Variants in GRIP1 observed in about 807,000 individuals in gnomAD.
GRIP1 encodes the protein glutamate receptor interacting protein 1, also known as glutamate receptor-interacting protein 1.
A neutral mutation model predicts 129.9 loss-of-function variants in GRIP1; 45 were observed. That is an observed-to-expected ratio of 0.35 (90% CI 0.27 to 0.44). The LOEUF is 0.44. Ranked by LOEUF, GRIP1 falls within the 20% of genes least tolerant of loss-of-function variation. The probability of loss-of-function intolerance (pLI) is 1.00; values close to 1 mark genes in which losing one functional copy is unlikely to be tolerated. For synonymous variants in GRIP1, 530 were observed against 520.8 expected, an observed-to-expected ratio of 1.02 and a Z score of -0.24; for missense variants, 1,196 against 1,396.8, an observed-to-expected ratio of 0.86 and a Z score of 2.29.
chr12:66,409,973 G>A (rs1354075167), intron 15 of GRIP1, among the ~76,000 whole-genome samples: 5 of 152,132 alleles, frequency 3.3e-5, no homozygotes, highest in South Asian at 4.1e-4. Flanking sequence ...ATTAGTGGCC[G>A]GGCGCGGTGG....
chr12:66,553,459 G>A (rs2062210013), intron 2 of GRIP1, among the ~76,000 whole-genome samples: 1 of 151,886 alleles, frequency 6.6e-6, no homozygotes, highest in African/African-American at 2.4e-5. Flanking sequence ...TGACCTCAAG[G>A]AATTTATATT....
intron 22 of GRIP1, among the ~76,000 whole-genome samples, chr12:66,376,208 C>A (rs911264417): frequency 2.6e-5 from 4 of 152,166 alleles, no homozygotes. Context: ...ATTCTCTTTG[C>A]AGATTCACAA....
intron 1 of GRIP1, chr12:66,647,234 T>C (rs899889460): frequency 2.0e-5 from 3 of 152,230 alleles, no homozygotes; most frequent in Non-Finnish European, 4.4e-5. Context: ...TGGTTTCCAA[T>C]ATACTTACTC....
intron 1 of GRIP1, among the ~76,000 whole-genome samples, chr12:66,650,716 T>C (rs1199252853): frequency 6.6e-6 from 1 of 152,176 alleles, no homozygotes; most frequent in African/African-American, 2.4e-5. Context: ...ACATAGAGCA[T>C]AGGACTGGCC....
chr12:66,483,095 A>C (rs2059850984), intron 7 of GRIP1, among the ~76,000 whole-genome samples: 1 of 152,198 alleles, frequency 6.6e-6, no homozygotes, highest in South Asian at 2.1e-4. Context: ...TCACAGTGCA[A>C]GGCTTGATTA....
At position 66,520,325 on chromosome 12, in the gene GRIP1, T is replaced by G. The variant is rs144336208; in HGVS notation, c.503-2349A>C. Among the ~76,000 whole-genome samples the G allele has an allele frequency of 9.1e-4, 139 of 152,322 alleles. 1 individual carries two copies. Among genetic ancestry groups the G allele is most frequent in the African/African-American group, 3.2e-3 (134 of 41,582 alleles). ...ACCACCTTTTGAACAGGGAAAATCC[T>G]CCAGATGGACCTCTAACTAATCTAA... On this transcript the variant is annotated intron_variant, in intron 5 of 24. Coordinates refer to ENST00000359742, the MANE Select transcript of GRIP1 (RefSeq NM_001366722.1).
At chr12:66,476,677 C>G (rs1437033243) in intron 7 of GRIP1, among the ~76,000 whole-genome samples, 1 of 152,186 alleles carries the variant, frequency 6.6e-6, no homozygotes, top group East Asian at 1.9e-4. Flanking sequence ...GGCTTATCCA[C>G]CATGATCAAG....
chr12:66,464,597 G>C (rs567235196), intron 8 of GRIP1, among the ~76,000 whole-genome samples: 1 of 152,288 alleles, frequency 6.6e-6, no homozygotes, highest in African/African-American at 2.4e-5. Context: ...GTTTAAGAAA[G>C]ATCTACTCAG....
chr12:66,466,858 T>A (rs745939955), intron 7 of GRIP1, among the ~76,000 whole-genome samples: 6 of 152,206 alleles, frequency 3.9e-5, no homozygotes, highest in Non-Finnish European at 5.9e-5. Context: ...TGCAAGAACA[T>A]CTTTGTCATC....
intron 2 of GRIP1, among the ~76,000 whole-genome samples, chr12:66,590,601 A>T (rs1329367053): frequency 6.6e-6 from 1 of 152,184 alleles, no homozygotes; most frequent in African/African-American, 2.4e-5. Flanking sequence ...CTTTTCTACA[A>T]GCAGAACATG....
chr12:66,787,351 CA>C (rs1407700851), intron 1 of GRIP1, among the ~76,000 whole-genome samples: 1 of 146,866 alleles, frequency 6.8e-6, no homozygotes, highest in East Asian at 2.0e-4. Flanking sequence ...CAATATTTAG[CA>C]AAAATTCTTA....
chr12:66,808,220 C>T (rs2039034576), upstream of GRIP1, among the ~76,000 whole-genome samples: 1 of 152,082 alleles, frequency 6.6e-6, no homozygotes, highest in Non-Finnish European at 1.5e-5. Flanking sequence ...AATGGCAGTT[C>T]ACAGAATGGC....
intron 13 of GRIP1, among the ~76,000 whole-genome samples, chr12:66,440,917 A>C (rs1045200262): frequency 1.3e-5 from 2 of 152,242 alleles, no homozygotes; most frequent in Admixed American, 1.3e-4. Context: ...AGCAACAAGC[A>C]CATAAGTAAA....
chr12:66,874,320 T>G (rs973018), intron 1 of GRIP1, among the ~76,000 whole-genome samples: 12,438 of 152,144 alleles, frequency 0.082, 565 homozygotes, highest in South Asian at 0.11. Flanking sequence ...ACGACAATCT[T>G]ATGATTATGC....
chr12:66,685,089 A>G (rs1592742049), intron 1 of GRIP1, among the ~76,000 whole-genome samples: 1 of 152,200 alleles, frequency 6.6e-6, no homozygotes. Context: ...GACTGCCAGC[A>G]TCCTAGTCCA....
At chr12:66,786,988 G>A (rs1592845293) in intron 1 of GRIP1, among the ~76,000 whole-genome samples, 2 of 152,116 alleles carry the variant, frequency 1.3e-5, no homozygotes, top group South Asian at 4.1e-4. Context: ...GCGCTGGAGA[G>A]GAAGGAGAAG....
intron 1 of GRIP1, among the ~76,000 whole-genome samples, chr12:66,965,658 A>AG: frequency 1.3e-5 from 2 of 150,992 alleles, no homozygotes; most frequent in Non-Finnish European, 2.9e-5. Flanking sequence ...AATCCACACA[A>AG]GCCACTCCAT....
intron 9 of GRIP1, among the ~76,000 whole-genome samples, chr12:66,461,737 C>T (rs919887731): frequency 6.6e-6 from 1 of 152,144 alleles, no homozygotes; most frequent in Non-Finnish European, 1.5e-5. Flanking sequence ...CCTCTTTCCC[C>T]CCGCCCCAGA....
intron 1 of GRIP1, among the ~76,000 whole-genome samples, chr12:66,703,062 C>T (rs1372740741): frequency 1.3e-5 from 2 of 152,082 alleles, no homozygotes; most frequent in African/African-American, 4.8e-5. Flanking sequence ...ATAGAGTCTG[C>T]AACATTGCTT....
Sources: allele counts gnomAD v4.1 joint callset (sites outside exome capture counted in the v4.1 genomes callset), GRCh38; gene constraint gnomAD v4.1.1; transcripts MANE v1.5; gene names NCBI Gene and HGNC (gene_info 2026-07-23, HGNC 2026-07-21).